The following MRPL39 variants were observed in gnomAD, a reference collection of about 807,000 sequenced individuals.
MRPL39 encodes the protein large ribosomal subunit protein mL39.
A neutral mutation model predicts 44.5 loss-of-function variants in MRPL39; 35 were observed. The ratio of observed to expected loss-of-function variants is 0.79; its 90% CI spans 0.60 to 1.04. The LOEUF (loss-of-function observed/expected upper bound fraction) is 1.04. MRPL39 is among the 50% of genes least tolerant of loss of function. The probability of loss-of-function intolerance (pLI) is 0.00; values close to 1 mark genes in which losing one functional copy is unlikely to be tolerated. For missense variants in MRPL39, 433 were observed against 413.5 expected (o/e 1.05, Z -0.41); for synonymous variants, 139 against 136.1 (o/e 1.02, Z -0.15).
intron 8 of MRPL39, 24 bp from the exon 9 acceptor site, chr21:25,588,906 G>C (rs745990355): frequency 6.9e-6 from 11 of 1,591,226 alleles, no homozygotes; most frequent in Non-Finnish European, 8.6e-6. Flanking sequence ...GATTTGCGAT[G>C]AACTAAATGA....
chr21:25,607,492 G>T (rs529449272), upstream of MRPL39: 7 of 1,608,826 alleles, frequency 4.4e-6, no homozygotes, highest in African/African-American at 6.7e-5. Flanking sequence ...GGTGAGAACC[G>T]TCGCGCGCAA....
chr21:25,606,335 G>C (rs1226985714), intron 2 of MRPL39, 114 bp downstream of exon 2: 3 of 911,462 alleles, frequency 3.3e-6, no homozygotes, highest in African/African-American at 1.7e-5. Context: ...GGTATAAAGG[G>C]ATTGCCATGG....
At chr21:25,588,313 A>G (rs1305548108) in intron 9 of MRPL39, among the ~76,000 whole-genome samples, 2 of 25,100 alleles carry the variant, frequency 8.0e-5, no homozygotes, top group Non-Finnish European at 4.8e-4. Context: ...CTCTGTCTCA[A>G]AAAAAAAAAG....
intron 3 of MRPL39, among the ~76,000 whole-genome samples, chr21:25,602,818 A>G (rs2031559839): frequency 6.6e-6 from 1 of 152,240 alleles, no homozygotes; most frequent in Non-Finnish European, 1.5e-5. Flanking sequence ...AAGCATCAAC[A>G]AAAGCAAGGT....
Position 25,599,817 on chromosome 21 carries a change from A to G in MRPL39, c.570T>C (p.Asp190=). The G allele has an allele frequency of 1.2e-6, 2 of 1,613,412 alleles. No homozygotes were observed. Among genetic ancestry groups the G allele is most frequent in the Non-Finnish European group, 1.7e-6 (2 of 1,179,516 alleles). The change falls in exon 5 of 10, where the codon GAT becomes GAC. Residue 190 remains aspartate, a synonymous_variant. Coordinates refer to ENST00000352957, the MANE Select transcript of MRPL39 (RefSeq NM_017446.4). ...CYDVVLDSKL[D]EWMPTKENLR... is the part of the protein sequence containing the mutation. The stretch of plus-strand genomic sequence containing the variant: ...CACTTACTTTTGTTGGCATCCACTC[A>G]TCAAGTTTGCTATCCAAAACTACGT...
Position 25,603,937 on chromosome 21 carries a change from T to C in MRPL39, c.281-2A>G. ...TCCTGCAATACCACTCGCTTAAATC[T>C]AGAAATTTAAAACAGACTGATTATC... On this transcript the variant is annotated splice_acceptor_variant, in intron 2 of 9. Transcript: ENST00000352957. LOFTEE classifies it high-confidence loss of function. The C allele has an allele frequency of 1.2e-6, 2 of 1,606,120 alleles. No homozygotes were observed. Among genetic ancestry groups the C allele is most frequent in the Non-Finnish European group, 1.7e-6 (2 of 1,177,816 alleles).
At chr21:25,596,319 C>T (rs1425436299) in intron 6 of MRPL39, among the ~76,000 whole-genome samples, 2 of 152,322 alleles carry the variant, frequency 1.3e-5, no homozygotes, top group Non-Finnish European at 2.9e-5. Context: ...AAGATGGTCT[C>T]GATCTCCTGA....
At chr21:25,600,312 C>T (rs1479799359) in intron 4 of MRPL39, among the ~76,000 whole-genome samples, 2 of 142,360 alleles carry the variant, frequency 1.4e-5, no homozygotes, top group Admixed American at 7.6e-5. Flanking sequence ...AGAAGAATCG[C>T]TTGAATCTGG....
At chr21:25,600,565 T>C (rs988513175) in intron 4 of MRPL39, among the ~76,000 whole-genome samples, 9 of 84,994 alleles carry the variant, frequency 1.1e-4, no homozygotes, top group African/African-American at 3.8e-4. Context: ...TTTAGGTATA[T>C]CTACTTCTTT....
chr21:25,599,021 C>T (rs1202683826), intron 5 of MRPL39, among the ~76,000 whole-genome samples: 1 of 152,174 alleles, frequency 6.6e-6, no homozygotes, highest in African/African-American at 2.4e-5. Context: ...ACTCCCAATA[C>T]ATAGGACATA....
In MRPL39 at chr21:25,593,990, T is replaced by C. The variant is rs1486993050; in HGVS notation, c.702-32A>G. 4.4e-6 allele frequency: 7 copies of C among 1,573,564 alleles called. No homozygotes were observed. In the Admixed American group the frequency reaches 5.1e-5, roughly 11 times the overall value. On this transcript the variant is annotated intron_variant, in intron 6 of 9. Coordinates refer to ENST00000352957, the MANE Select transcript of MRPL39 (RefSeq NM_017446.4). ...AGCAGCAAAGAAAAAAACATTTTTT[T>C]AACTCAAAATATGTAAAAAGGTGTT...
At chr21:25,602,186 A>T (rs1357230028) in intron 3 of MRPL39, among the ~76,000 whole-genome samples, 1 of 152,234 alleles carries the variant, frequency 6.6e-6, no homozygotes, top group Admixed American at 6.5e-5. Flanking sequence ...TACACTAAAA[A>T]TAAGTACAGA....
At chr21:25,607,520 TC>T (rs1231078276), upstream of MRPL39, 1 of 1,593,702 alleles carries the variant, frequency 6.3e-7, no homozygotes. Flanking sequence ...TCCGCCCTCC[TC>T]CCCCGGAAAC....
intron 3 of MRPL39, among the ~76,000 whole-genome samples, chr21:25,602,475 C>T (rs2031550027): frequency 6.6e-6 from 1 of 152,198 alleles, no homozygotes; most frequent in African/African-American, 2.4e-5. Flanking sequence ...ATAATACATA[C>T]ATACTCATTG....
At chr21:25,606,222 C>T (rs1296224979) in intron 2 of MRPL39, among the ~76,000 whole-genome samples, 1 of 152,164 alleles carries the variant, frequency 6.6e-6, no homozygotes, top group Non-Finnish European at 1.5e-5. Context: ...TCAAGCTATC[C>T]TCCTGCTTCA....
intron 9 of MRPL39, among the ~76,000 whole-genome samples, chr21:25,588,269 G>C (rs1004891155): frequency 6.6e-6 from 1 of 151,492 alleles, no homozygotes; most frequent in Non-Finnish European, 1.5e-5. Flanking sequence ...CTGAGATCGC[G>C]CCACTGCACT....
At chr21:25,594,941 G>C (rs962407610) in intron 6 of MRPL39, among the ~76,000 whole-genome samples, 16 of 152,108 alleles carry the variant, frequency 1.1e-4, no homozygotes, top group Non-Finnish European at 1.2e-4. Context: ...AAAAACCTGG[G>C]AGATTTCCTT....
chr21:25,590,361 C>T (rs1458678672), intron 8 of MRPL39, among the ~76,000 whole-genome samples: 2 of 150,310 alleles, frequency 1.3e-5, no homozygotes, highest in East Asian at 2.0e-4. Context: ...AATATACTAA[C>T]GCTAATGACA....
Position 25,597,424 on chromosome 21 carries a change from G to GA in MRPL39, c.589-11dup, listed in dbSNP as rs777508186. ...AGGAACGTAAGTTCTCCTTAAAAAT[G>GA]AAAGTAATAACCTTTAGTAACAATT... is the stretch of plus-strand genomic sequence containing the variant. On this transcript the variant is annotated splice_polypyrimidine_tract_variant and intron_variant, in intron 5 of 9. Coordinates refer to ENST00000352957, the MANE Select transcript of MRPL39 (RefSeq NM_017446.4). 7.0e-7 allele frequency: 1 copy of GA among 1,435,468 alleles called. No individual in the cohort carries two copies. The highest frequency in any genetic ancestry group is 9.7e-7 in the Non-Finnish European group (1 of 1,031,872). The allele number at this position is 1,435,468 out of a possible 1,614,324, so 88.9% of individuals were successfully genotyped here.
Sources: allele counts gnomAD v4.1 joint callset (sites outside exome capture counted in the v4.1 genomes callset), GRCh38; gene constraint gnomAD v4.1.1; transcripts MANE v1.5; gene names NCBI Gene and HGNC (gene_info 2026-07-23, HGNC 2026-07-21).